CADPS2: variants seen among roughly 807,000 people sequenced by gnomAD.
CADPS2 encodes the protein calcium dependent secretion activator 2, also known as calcium-dependent secretion activator 2.
A neutral mutation model predicts 172.5 loss-of-function variants in CADPS2; 93 were observed. That is an observed-to-expected ratio of 0.54 (90% CI 0.46 to 0.64). The LOEUF (loss-of-function observed/expected upper bound fraction) is 0.64. Among genes scored for constraint, CADPS2 ranks in the 30% least tolerant of loss-of-function variants. CADPS2 has a pLI of 0.00. For missense variants in CADPS2, 1,420 were observed against 1,565.9 expected (o/e 0.91, Z 1.57); for synonymous variants, 546 against 555.2 (o/e 0.98, Z 0.23).
intron 25 of CADPS2, among the ~76,000 whole-genome samples, chr7:122,376,655 T>C (rs924172434): frequency 2.0e-5 from 3 of 152,100 alleles, no homozygotes; most frequent in Non-Finnish European, 4.4e-5. Context: ...CTGTACAGCA[T>C]AGGGCCTATA....
At chr7:122,639,330 A>T (rs895123339) in intron 3 of CADPS2, among the ~76,000 whole-genome samples, 1 of 152,202 alleles carries the variant, frequency 6.6e-6, no homozygotes, top group Non-Finnish European at 1.5e-5. Context: ...GCATTTTCCT[A>T]AAGGCAGAAT....
chr7:122,566,696 G>A (rs551218751), intron 7 of CADPS2, among the ~76,000 whole-genome samples: 3 of 152,168 alleles, frequency 2.0e-5, no homozygotes, highest in East Asian at 3.9e-4. Context: ...AACTTCACTC[G>A]CTGTAGGATC....
At chr7:122,351,976 C>A (rs958453620) in intron 27 of CADPS2, among the ~76,000 whole-genome samples, 1 of 152,080 alleles carries the variant, frequency 6.6e-6, no homozygotes, top group Non-Finnish European at 1.5e-5. Context: ...AAAATAAATA[C>A]TGAATGATAG....
intron 2 of CADPS2, among the ~76,000 whole-genome samples, chr7:122,703,191 A>C (rs920321694): frequency 1.8e-4 from 27 of 152,152 alleles, no homozygotes; most frequent in Non-Finnish European, 2.9e-5. Flanking sequence ...AGTTCTGGAG[A>C]GACTGAAAAT....
rs965019359 is a variant in CADPS2 at position 122,471,254 on chromosome 7, T to C, written c.2186+121A>G. 11 of 643,390 alleles carry C rather than the reference T, an allele frequency of 1.7e-5. No individual in the cohort carries two copies. In the African/African-American group the frequency reaches 1.7e-4, roughly 10 times the overall value. 39.9% of individuals were successfully genotyped at this position (643,390 alleles called of 1,614,324 possible). A position where few individuals can be genotyped will look rare whatever the true frequency, so the allele number is the denominator to read the frequency against. On this transcript the variant is annotated intron_variant, in intron 14 of 29. Transcript: ENST00000449022. ...TTTTTCTCTGTCGTTTTTTTTTTTT[T>C]CCTTGTAAGAAGTGTTTGCTATTTA... is the stretch of plus-strand genomic sequence containing the variant.
At chr7:122,725,668 C>T (rs1051201063) in intron 2 of CADPS2, among the ~76,000 whole-genome samples, 1 of 151,408 alleles carries the variant, frequency 6.6e-6, no homozygotes. Flanking sequence ...GTAGTTCACG[C>T]CTATAATCCC....
At chr7:122,348,198 G>A (rs897803068) in intron 27 of CADPS2, among the ~76,000 whole-genome samples, 3 of 152,154 alleles carry the variant, frequency 2.0e-5, no homozygotes, top group Non-Finnish European at 4.4e-5. Flanking sequence ...AGTCTCAGTG[G>A]AAACTAAGTT....
chr7:122,559,807 G>GAGAA (rs2065509583), intron 7 of CADPS2, among the ~76,000 whole-genome samples: 1 of 149,938 alleles, frequency 6.7e-6, no homozygotes, highest in Admixed American at 6.7e-5. Flanking sequence ...AAGAAAAAGA[G>GAGAA]AGAAGATAAC....
At chr7:122,718,146 T>G (rs2089909508) in intron 2 of CADPS2, among the ~76,000 whole-genome samples, 2 of 151,846 alleles carry the variant, frequency 1.3e-5, no homozygotes, top group Admixed American at 1.3e-4. Flanking sequence ...ATTCTTTAGT[T>G]TAAAAAAACA....
At chr7:122,576,756 G>T (rs931190946) in intron 7 of CADPS2, among the ~76,000 whole-genome samples, 9 of 151,366 alleles carry the variant, frequency 5.9e-5, no homozygotes, top group African/African-American at 2.2e-4. Context: ...GATAGTCAGT[G>T]GGTCTCAGGA....
chr7:122,857,258 C>A (rs1815529311), intron 1 of CADPS2, among the ~76,000 whole-genome samples: 1 of 152,144 alleles, frequency 6.6e-6, no homozygotes, highest in Admixed American at 6.6e-5. Context: ...ACACATTTCT[C>A]CCCCTCTATT....
intron 25 of CADPS2, among the ~76,000 whole-genome samples, chr7:122,373,790 A>C (rs1164525105): frequency 6.6e-6 from 1 of 152,170 alleles, no homozygotes; most frequent in Non-Finnish European, 1.5e-5. Context: ...ATTCTACCAA[A>C]CATTTAAAGA....
intron 8 of CADPS2, among the ~76,000 whole-genome samples, chr7:122,553,591 T>C (rs1403686187): frequency 6.6e-6 from 1 of 152,152 alleles, no homozygotes; most frequent in African/African-American, 2.4e-5. Flanking sequence ...TACCTTGGGT[T>C]TCCCCCTGCC....
At chr7:122,430,426 C>T (rs2049751806) in intron 17 of CADPS2, among the ~76,000 whole-genome samples, 1 of 152,122 alleles carries the variant, frequency 6.6e-6, no homozygotes, top group Non-Finnish European at 1.5e-5. Context: ...AACCAAAGAA[C>T]AAATTGATTC....
chr7:122,570,039 A>C (rs1315554977), intron 7 of CADPS2, among the ~76,000 whole-genome samples: 6 of 150,566 alleles, frequency 4.0e-5, no homozygotes, highest in Non-Finnish European at 7.4e-5. Context: ...AATGGGATCT[A>C]ATTAAACTAA....
At chr7:122,662,323 T>C (rs1440619210) in intron 3 of CADPS2, among the ~76,000 whole-genome samples, 1 of 151,330 alleles carries the variant, frequency 6.6e-6, no homozygotes, top group East Asian at 1.9e-4. Context: ...AGACAAATCA[T>C]TGGGTCTAAA....
intron 6 of CADPS2, among the ~76,000 whole-genome samples, chr7:122,600,455 G>T (rs2072582679): frequency 6.6e-6 from 1 of 152,022 alleles, no homozygotes; most frequent in Non-Finnish European, 1.5e-5. Context: ...GATTATAGGG[G>T]AAACAAGTTC....
intron 2 of CADPS2, among the ~76,000 whole-genome samples, chr7:122,721,216 ACAAAAAACCCTT>A (rs1204992201): frequency 1.3e-5 from 2 of 152,144 alleles, no homozygotes; most frequent in South Asian, 2.1e-4. Context: ...CCTTAGAGAC[ACAAAAAACCCTT>A]CAAAAAACCA....
In CADPS2 at chr7:122,820,542, G is replaced by GTTTT. The variant is rs1286462243; in HGVS notation, c.339+65453_339+65456dup. 1.8e-4 allele frequency among the ~76,000 whole-genome samples: 21 copies of GTTTT among 117,792 alleles called. 1 individual carries two copies. Among genetic ancestry groups the GTTTT allele is most frequent in the African/African-American group, 6.5e-4 (18 of 27,590 alleles). 77.3% of individuals were successfully genotyped at this position (117,792 alleles called of 152,430 possible). On this transcript the variant is annotated intron_variant, in intron 1 of 29. Transcript: ENST00000449022. ...TCTGTCCAAACAACTTGACCTTACTGTTTTTTGTTTTTTGTTTTTTTTTTT... is the reference window on the plus strand; with the variant it reads ...TCTGTCCAAACAACTTGACCTTACTGTTTTTTTTTTGTTTTTTGTTTTTTTTTTT...
Sources: allele counts gnomAD v4.1 joint callset (sites outside exome capture counted in the v4.1 genomes callset), GRCh38; gene constraint gnomAD v4.1.1; transcripts MANE v1.5; gene names NCBI Gene and HGNC (gene_info 2026-07-23, HGNC 2026-07-21).